GRM8: variants seen among roughly 807,000 people sequenced by gnomAD.
The protein encoded by GRM8 is glutamate metabotropic receptor 8.
Under a neutral mutation model 87.2 loss-of-function variants are expected in GRM8, and 47 were observed. The observed-to-expected ratio is 0.54, with a 90% confidence interval of 0.43 to 0.69. The LOEUF is 0.69. Ranked by LOEUF, GRM8 falls within the 30% of genes least tolerant of loss-of-function variation. GRM8 has a pLI of 0.00. For synonymous variants in GRM8, 396 were observed against 404.5 expected, an observed-to-expected ratio of 0.98 and a Z score of 0.25; for missense variants, 1,019 against 1,139.2, an observed-to-expected ratio of 0.89 and a Z score of 1.52.
intron 9 of GRM8, among the ~76,000 whole-genome samples, chr7:126,500,075 G>A (rs892308967): frequency 5.3e-5 from 8 of 151,656 alleles, no homozygotes; most frequent in African/African-American, 1.9e-4. Flanking sequence ...TTATGATGAA[G>A]ACATTTAAAG....
At chr7:126,682,903 G>T (rs1422505221) in intron 7 of GRM8, among the ~76,000 whole-genome samples, 1 of 152,154 alleles carries the variant, frequency 6.6e-6, no homozygotes, top group Non-Finnish European at 1.5e-5. Context: ...ACAAAAATTA[G>T]CTGGGCATAG....
chr7:127,179,281 G>A (rs1563561410), intron 2 of GRM8, among the ~76,000 whole-genome samples: 1 of 152,098 alleles, frequency 6.6e-6, no homozygotes, highest in African/African-American at 2.4e-5. Flanking sequence ...ATGGTAAAAG[G>A]CCTTGTCCCA....
intron 8 of GRM8, among the ~76,000 whole-genome samples, chr7:126,561,297 C>T (rs891727874): frequency 6.6e-6 from 1 of 151,952 alleles, no homozygotes; most frequent in East Asian, 1.9e-4. Flanking sequence ...ATGGTGAAAC[C>T]GCATCTCCAC....
At chr7:126,467,457 T>C (rs1804633247) in intron 9 of GRM8, among the ~76,000 whole-genome samples, 1 of 152,080 alleles carries the variant, frequency 6.6e-6, no homozygotes. Flanking sequence ...ATATTCCATT[T>C]ATAGTATCTT....
At chr7:127,186,653 AC>A (rs1216236629) in intron 2 of GRM8, among the ~76,000 whole-genome samples, 1 of 152,098 alleles carries the variant, frequency 6.6e-6, no homozygotes, top group Admixed American at 6.6e-5. Context: ...TTCATCTGTT[AC>A]CTACCTAAAC....
At chr7:127,012,705 A>T (rs1053150253) in intron 3 of GRM8, among the ~76,000 whole-genome samples, 1 of 152,156 alleles carries the variant, frequency 6.6e-6, no homozygotes, top group Non-Finnish European at 1.5e-5. Context: ...AATTGGAAAT[A>T]AATACTTCAA....
At chr7:126,852,763 G>C (rs1387317145) in intron 6 of GRM8, among the ~76,000 whole-genome samples, 1 of 151,728 alleles carries the variant, frequency 6.6e-6, no homozygotes, top group Non-Finnish European at 1.5e-5. Context: ...CAAAATATGT[G>C]TGTGTTATAT....
intron 2 of GRM8, among the ~76,000 whole-genome samples, chr7:127,136,814 G>T (rs1204762483): frequency 6.6e-6 from 1 of 151,756 alleles, no homozygotes; most frequent in Non-Finnish European, 1.5e-5. Context: ...TGAGAGGAAT[G>T]TGTACCAAGC....
intron 3 of GRM8, among the ~76,000 whole-genome samples, chr7:126,964,860 ATG>A (rs1809682996): frequency 6.6e-6 from 1 of 152,154 alleles, no homozygotes. Flanking sequence ...ACATGCACAC[ATG>A]TGTTTAATGT....
At chr7:126,509,020 T>C (rs1810919241) in intron 9 of GRM8, among the ~76,000 whole-genome samples, 1 of 152,044 alleles carries the variant, frequency 6.6e-6, no homozygotes, top group Non-Finnish European at 1.5e-5. Flanking sequence ...CCATAACATA[T>C]ACTTGGATGC....
chr7:126,660,145 A>C (rs772791815), intron 7 of GRM8, among the ~76,000 whole-genome samples: 4 of 152,148 alleles, frequency 2.6e-5, no homozygotes, highest in Admixed American at 6.5e-5. Context: ...CAGTAGTTCC[A>C]TTTAGTTCTT....
intron 10 of GRM8, among the ~76,000 whole-genome samples, chr7:126,443,316 T>G (rs1335134252): frequency 1.3e-5 from 2 of 152,052 alleles, no homozygotes; most frequent in Non-Finnish European, 2.9e-5. Flanking sequence ...AGTCTGCAAA[T>G]TCAGCAACTA....
At chr7:126,805,787 C>CG (rs1792618244) in intron 6 of GRM8, among the ~76,000 whole-genome samples, 1 of 152,132 alleles carries the variant, frequency 6.6e-6, no homozygotes, top group Non-Finnish European at 1.5e-5. Flanking sequence ...TCTTCTGTGT[C>CG]GGACTGTCTG....
At chr7:126,537,970 C>T (rs190100716) in intron 8 of GRM8, among the ~76,000 whole-genome samples, 2 of 152,136 alleles carry the variant, frequency 1.3e-5, no homozygotes, top group East Asian at 3.9e-4. Context: ...CCTTCCTCAC[C>T]TTTGGTATTA....
intron 2 of GRM8, among the ~76,000 whole-genome samples, chr7:127,190,020 G>A (rs1463898514): frequency 6.6e-6 from 1 of 152,242 alleles, no homozygotes; most frequent in East Asian, 1.9e-4. Context: ...GCTGAGGGCT[G>A]GCTAGATGGC....
At chr7:126,606,259 C>T (rs1399320328) in intron 8 of GRM8, among the ~76,000 whole-genome samples, 1 of 152,106 alleles carries the variant, frequency 6.6e-6, no homozygotes, top group Non-Finnish European at 1.5e-5. Context: ...ATGGGACCTT[C>T]GCTTTGCCCA....
chr7:126,514,869 A>G (rs551600790), intron 9 of GRM8, among the ~76,000 whole-genome samples: 1 of 152,160 alleles, frequency 6.6e-6, no homozygotes, highest in Admixed American at 6.6e-5. Flanking sequence ...TTAGTATTAC[A>G]TTGAATGTTT....
At chr7:126,875,302 A>C (rs1387436768) in intron 6 of GRM8, among the ~76,000 whole-genome samples, 1 of 152,040 alleles carries the variant, frequency 6.6e-6, no homozygotes, top group Non-Finnish European at 1.5e-5. Context: ...AAACAGAATA[A>C]ACTGTTAAAG....
At chr7:126,964,293 A>ATG (rs1238934355) in intron 3 of GRM8, among the ~76,000 whole-genome samples, 1 of 152,216 alleles carries the variant, frequency 6.6e-6, no homozygotes, top group Non-Finnish European at 1.5e-5. Flanking sequence ...AAGCAATGGC[A>ATG]ACAAAAGCCA....
Sources: gnomAD v4.1 joint callset for allele counts (sites outside exome capture counted in the v4.1 genomes callset) on GRCh38, gnomAD v4.1.1 for gene constraint, MANE v1.5 for transcripts, NCBI Gene and HGNC (gene_info 2026-07-23, HGNC 2026-07-21) for gene names.